Variants in LIN52 observed in about 807,000 individuals in gnomAD.
LIN52 encodes protein lin-52 homolog.
Under a neutral mutation model 18.5 loss-of-function variants are expected in LIN52, and 4 were observed. The ratio of observed to expected loss-of-function variants is 0.22; its 90% CI spans 0.11 to 0.49. LIN52 has a LOEUF of 0.49. LIN52 is among the 20% of genes least tolerant of loss of function. The probability of loss-of-function intolerance (pLI) is 0.97; values close to 1 mark genes in which losing one functional copy is unlikely to be tolerated. For synonymous variants in LIN52, 34 were observed against 45.5 expected (o/e 0.75, Z 1.02); for missense variants, 102 against 139.5 (o/e 0.73, Z 1.35).
chr14:74,199,117 C>CG lies in LIN52; in HGVS notation c.*140_*141insG. On this transcript the variant is annotated 3_prime_UTR_variant, in exon 6 of 6. Coordinates refer to ENST00000555028, the MANE Select transcript of LIN52 (RefSeq NM_001024674.3). ...GGACTGCCCTCTCCCCTGCTCCTGG[C>CG]ACTCTACACGTCTGAGGACATTCAG... 1 of 627,320 alleles carries CG rather than the reference C, an allele frequency of 1.6e-6. No individual in the cohort carries two copies. The highest frequency in any genetic ancestry group is 1.9e-5 in the South Asian group (1 of 52,252). The allele number at this position is 627,320 out of a possible 1,614,324, so 38.9% of individuals were successfully genotyped here.
chr14:74,091,656 C>T (rs1199270896), intron 2 of LIN52, among the ~76,000 whole-genome samples: 2 of 151,532 alleles, frequency 1.3e-5, no homozygotes, highest in Non-Finnish European at 2.9e-5. Flanking sequence ...CACCTGTAAT[C>T]CCAGCTACTC....
intron 5 of LIN52, among the ~76,000 whole-genome samples, chr14:74,101,702 C>T (rs1340958637): frequency 2.6e-5 from 4 of 152,038 alleles, no homozygotes; most frequent in African/African-American, 9.7e-5. Flanking sequence ...CCTCGTGATC[C>T]GCCCGCCTCG....
intron 5 of LIN52, among the ~76,000 whole-genome samples, chr14:74,138,682 G>C (rs938042642): frequency 1.3e-5 from 2 of 151,130 alleles, no homozygotes; most frequent in Non-Finnish European, 2.9e-5. Flanking sequence ...GAGTCCAAGA[G>C]TGAGGCTGCA....
chr14:74,101,443 G>C (rs1396602289), intron 5 of LIN52, among the ~76,000 whole-genome samples: 2 of 151,566 alleles, frequency 1.3e-5, no homozygotes, highest in Non-Finnish European at 2.9e-5. Flanking sequence ...GGATTTACTA[G>C]GTAACAAATG....
At chr14:74,115,628 G>A (rs984781255) in intron 5 of LIN52, among the ~76,000 whole-genome samples, 1 of 152,118 alleles carries the variant, frequency 6.6e-6, no homozygotes, top group African/African-American at 2.4e-5. Context: ...AGGGATCATG[G>A]TTATTCTTAA....
In LIN52 at chr14:74,084,959, T is replaced by C; in HGVS notation, c.-16T>C. Reference sequence around the variant, plus strand: ...CCCGCCGACGGTTGGCCACGTCACGTGACATGGGTTGGAAGATGGCGTCTC... The same window carrying C: ...CCCGCCGACGGTTGGCCACGTCACGCGACATGGGTTGGAAGATGGCGTCTC... On this transcript the variant is annotated 5_prime_UTR_variant, in exon 1 of 6. Transcript: ENST00000555028. The C allele has an allele frequency of 6.8e-7, 1 of 1,464,230 alleles. No homozygotes were observed. The highest frequency in any genetic ancestry group is 9.0e-7 in the Non-Finnish European group (1 of 1,107,282). 90.7% of individuals were successfully genotyped at this position (1,464,230 alleles called of 1,614,324 possible).
chr14:74,095,712 A>T (rs970028595), intron 2 of LIN52, among the ~76,000 whole-genome samples: 3 of 152,058 alleles, frequency 2.0e-5, no homozygotes, highest in African/African-American at 7.2e-5. Context: ...TTGAGGCATT[A>T]TTTTCCTTGA....
chr14:74,130,126 C>T lies in LIN52; in HGVS notation c.283+28888C>T, dbSNP rs529055022. Among the ~76,000 whole-genome samples the T allele has an allele frequency of 3.9e-5, 6 of 152,016 alleles. No individual in the cohort carries two copies. In the East Asian group the frequency reaches 5.8e-4, roughly 15 times the overall value. ...GTGATTCAGTTATCTCCCACCAGGT[C>T]TCTCCTACAACACGTGGGAATTATG... On this transcript the variant is annotated intron_variant, in intron 5 of 5. Coordinates refer to ENST00000555028, the MANE Select transcript of LIN52 (RefSeq NM_001024674.3).
At chr14:74,129,497 G>A (rs1047317953) in intron 5 of LIN52, among the ~76,000 whole-genome samples, 38 of 152,144 alleles carry the variant, frequency 2.5e-4, no homozygotes, top group African/African-American at 9.2e-4. Context: ...TCAGGTTTGT[G>A]AGTTGGTGGG....
chr14:74,102,665 G>T (rs1205019179), intron 5 of LIN52, among the ~76,000 whole-genome samples: 7 of 152,154 alleles, frequency 4.6e-5, no homozygotes, highest in Admixed American at 4.6e-4. Flanking sequence ...AATAAATGCT[G>T]TAATGATCAT....
At chr14:74,145,019 A>C (rs2061147841) in intron 5 of LIN52, among the ~76,000 whole-genome samples, 1 of 152,224 alleles carries the variant, frequency 6.6e-6, no homozygotes, top group Admixed American at 6.5e-5. Flanking sequence ...ATTGTGAAAC[A>C]GTATTCTGAG....
intron 5 of LIN52, among the ~76,000 whole-genome samples, chr14:74,178,571 C>T (rs867927919): frequency 3.3e-5 from 5 of 151,610 alleles, no homozygotes; most frequent in African/African-American, 9.7e-5. Context: ...GATTCTCGTG[C>T]GTTAGCCTCC....
intron 5 of LIN52, among the ~76,000 whole-genome samples, chr14:74,112,218 G>C (rs2060933656): frequency 6.6e-6 from 1 of 151,802 alleles, no homozygotes; most frequent in African/African-American, 2.4e-5. Flanking sequence ...GCCTAGCTTT[G>C]TTGATACCTT....
chr14:74,150,395 A>G (rs2061171455), intron 5 of LIN52, among the ~76,000 whole-genome samples: 1 of 152,232 alleles, frequency 6.6e-6, no homozygotes. Flanking sequence ...AATCTCAAGA[A>G]TATATATAAC....
At chr14:74,105,800 A>AG (rs758427049) in intron 5 of LIN52, among the ~76,000 whole-genome samples, 38 of 152,206 alleles carry the variant, frequency 2.5e-4, no homozygotes, top group Non-Finnish European at 4.9e-4. Context: ...AAGAAAAAAA[A>AG]TGCAAAAAAT....
At chr14:74,132,635 A>G (rs1438525500) in intron 5 of LIN52, among the ~76,000 whole-genome samples, 1 of 152,104 alleles carries the variant, frequency 6.6e-6, no homozygotes, top group Non-Finnish European at 1.5e-5. Context: ...CAGCCTCCCG[A>G]GTAGCTAGGA....
chr14:74,150,735 A>T (rs62006762), intron 5 of LIN52, among the ~76,000 whole-genome samples: 17,843 of 152,296 alleles, frequency 0.12, 1,156 homozygotes, highest in South Asian at 0.18. Context: ...CTAAGGGCTA[A>T]TAGCCAGTCT....
At chr14:74,183,921 A>C (rs2061330388) in intron 5 of LIN52, among the ~76,000 whole-genome samples, 1 of 152,186 alleles carries the variant, frequency 6.6e-6, no homozygotes, top group South Asian at 2.1e-4. Context: ...TTCGGCTCAA[A>C]ATTGTTTTTT....
intron 5 of LIN52, among the ~76,000 whole-genome samples, chr14:74,193,107 C>T (rs992267578): frequency 6.6e-6 from 1 of 152,010 alleles, no homozygotes; most frequent in African/African-American, 2.4e-5. Context: ...TGTGGCAATG[C>T]CCCCTTTCTC....
Sources: allele counts gnomAD v4.1 joint callset (sites outside exome capture counted in the v4.1 genomes callset), GRCh38; gene constraint gnomAD v4.1.1; transcripts MANE v1.5; gene names NCBI Gene and HGNC (gene_info 2026-07-23, HGNC 2026-07-21).